Variants in UHRF2 observed in about 807,000 individuals in gnomAD.
UHRF2 encodes the protein ubiquitin like with PHD and ring finger domains 2, also known as E3 ubiquitin-protein ligase UHRF2.
In UHRF2, 23 loss-of-function variants were observed where a neutral mutation model predicts 96.8. That is an observed-to-expected ratio of 0.24 (90% CI 0.17 to 0.34). The LOEUF (loss-of-function observed/expected upper bound fraction) is 0.34. Ranked by LOEUF, UHRF2 falls within the 10% of genes least tolerant of loss-of-function variation. The pLI, the probability that UHRF2 is intolerant of heterozygous loss-of-function variation, is 1.00. For synonymous variants in UHRF2, 385 were observed against 332.6 expected (o/e 1.16, Z -1.72); for missense variants, 685 against 981.5 (o/e 0.70, Z 4.04).
At chr9:6,473,147 A>G (rs1020496690) in intron 4 of UHRF2, among the ~76,000 whole-genome samples, 6 of 152,212 alleles carry the variant, frequency 3.9e-5, no homozygotes, top group African/African-American at 1.4e-4. Flanking sequence ...CATGCAAATA[A>G]GGAGTCCCAC....
intron 2 of UHRF2, among the ~76,000 whole-genome samples, chr9:6,421,483 C>T (rs1389113163): frequency 6.6e-6 from 1 of 152,138 alleles, no homozygotes; most frequent in Non-Finnish European, 1.5e-5. Flanking sequence ...CGCACGCAAT[C>T]TTGGCTCGCT....
At chr9:6,447,414 A>G (rs1283118951) in intron 3 of UHRF2, among the ~76,000 whole-genome samples, 4 of 152,180 alleles carry the variant, frequency 2.6e-5, no homozygotes, top group African/African-American at 9.7e-5. Context: ...GCTGTTTTAT[A>G]GTATGATGGA....
intron 14 of UHRF2, among the ~76,000 whole-genome samples, chr9:6,503,818 A>G (rs1397547610): frequency 6.6e-6 from 1 of 152,018 alleles, no homozygotes; most frequent in African/African-American, 2.4e-5. Context: ...TTTATTTTTT[A>G]AGTGAAAAAT....
chr9:6,478,537 G>T (rs1274626035), intron 6 of UHRF2, among the ~76,000 whole-genome samples: 1 of 152,154 alleles, frequency 6.6e-6, no homozygotes, highest in Non-Finnish European at 1.5e-5. Flanking sequence ...CCTATGGCGT[G>T]GTGATAACTA....
At chr9:6,487,624 C>T (rs768953428) in intron 9 of UHRF2, among the ~76,000 whole-genome samples, 1 of 152,224 alleles carries the variant, frequency 6.6e-6, no homozygotes, top group Admixed American at 6.5e-5. Flanking sequence ...GCCTTGGCCT[C>T]CCAAAGTGTT....
intron 3 of UHRF2, among the ~76,000 whole-genome samples, chr9:6,453,703 G>C (rs556675102): frequency 6.6e-6 from 1 of 152,178 alleles, no homozygotes; most frequent in Non-Finnish European, 1.5e-5. Flanking sequence ...AGGAGATTGA[G>C]ACCATCCTGG....
intron 2 of UHRF2, among the ~76,000 whole-genome samples, chr9:6,428,875 A>T (rs1820415044): frequency 6.6e-6 from 1 of 151,962 alleles, no homozygotes; most frequent in South Asian, 2.1e-4. Flanking sequence ...TGATTAAAGA[A>T]AGATGGGGCC....
At chr9:6,473,884 T>A (rs1480315803) in intron 4 of UHRF2, among the ~76,000 whole-genome samples, 1 of 152,208 alleles carries the variant, frequency 6.6e-6, no homozygotes, top group African/African-American at 2.4e-5. Flanking sequence ...AAAAAACTGT[T>A]TAACCCATAC....
rs1820635183 is a variant in UHRF2 at position 6,432,887 on chromosome 9, C to CT, written c.385-1026dup. Among the ~76,000 whole-genome samples the CT allele has an allele frequency of 2.6e-5, 4 of 151,370 alleles. No homozygotes were observed. In the South Asian group the frequency reaches 8.4e-4, roughly 32 times the overall value. On this transcript the variant is annotated intron_variant, in intron 2 of 15. Transcript: ENST00000276893. ...ACAGAGTCTTGCTGTATTGCCCAAACTGGAGTGCACTGGCACGATCTCCGT... is the reference window on the plus strand; with the variant it reads ...ACAGAGTCTTGCTGTATTGCCCAAACTTGGAGTGCACTGGCACGATCTCCGT...
intron 1 of UHRF2, among the ~76,000 whole-genome samples, chr9:6,416,770 G>T (rs543089622): frequency 6.6e-6 from 1 of 151,452 alleles, no homozygotes; most frequent in South Asian, 2.1e-4. Context: ...CTCGTGATCC[G>T]CCCGCCTCGG....
intron 2 of UHRF2, among the ~76,000 whole-genome samples, chr9:6,431,154 T>G (rs1340865225): frequency 1.3e-5 from 2 of 152,230 alleles, no homozygotes; most frequent in Non-Finnish European, 2.9e-5. Context: ...CTTGCATGCA[T>G]CTTGGCCTAT....
intron 1 of UHRF2, among the ~76,000 whole-genome samples, chr9:6,417,063 C>T (rs921861252): frequency 6.6e-6 from 1 of 152,062 alleles, no homozygotes; most frequent in Non-Finnish European, 1.5e-5. Flanking sequence ...ATATATAATA[C>T]ACACATATAT....
chr9:6,499,995 G>C, intron 13 of UHRF2, 64 bp downstream of exon 13: 6 of 1,272,354 alleles, frequency 4.7e-6, no homozygotes, highest in African/African-American at 1.5e-5. Flanking sequence ...TTGTTGAGAC[G>C]GGGTCTCACT....
At chr9:6,472,825 T>C (rs1013788177) in intron 4 of UHRF2, among the ~76,000 whole-genome samples, 1 of 152,184 alleles carries the variant, frequency 6.6e-6, no homozygotes, top group African/African-American at 2.4e-5. Flanking sequence ...AATATTCTAA[T>C]TTTGGTGTCC....
At chr9:6,420,615 G>C (rs1237961624) in intron 1 of UHRF2, among the ~76,000 whole-genome samples, 1 of 151,682 alleles carries the variant, frequency 6.6e-6, no homozygotes, top group African/African-American at 2.4e-5. Flanking sequence ...GCTGAGGCAG[G>C]AGAATGGTGT....
At chr9:6,474,229 A>G (rs1358058934) in intron 4 of UHRF2, among the ~76,000 whole-genome samples, 1 of 152,150 alleles carries the variant, frequency 6.6e-6, no homozygotes, top group Non-Finnish European at 1.5e-5. Context: ...AGTTTTTTGC[A>G]TTTGTGTATA....
At chr9:6,504,738 A>T (rs766698661) in intron 15 of UHRF2, 47 bp downstream of exon 15, 2 of 1,454,038 alleles carry the variant, frequency 1.4e-6, no homozygotes, top group Non-Finnish European at 1.9e-6. Context: ...ATGAAGGCAC[A>T]CTAATTTCTA....
At chr9:6,452,525 A>G (rs34530211) in intron 3 of UHRF2, among the ~76,000 whole-genome samples, 4,782 of 152,330 alleles carry the variant, frequency 0.031, 123 homozygotes, top group Middle Eastern at 0.061. Context: ...TATGATATGG[A>G]TTGAAAGGTG....
chr9:6,439,563 C>A (rs1409272062), intron 3 of UHRF2, among the ~76,000 whole-genome samples: 2 of 152,204 alleles, frequency 1.3e-5, no homozygotes, highest in Non-Finnish European at 2.9e-5. Flanking sequence ...GGGTTCACAT[C>A]ATGTACAAAG....
Sources: allele counts gnomAD v4.1 joint callset (sites outside exome capture counted in the v4.1 genomes callset), GRCh38; gene constraint gnomAD v4.1.1; transcripts MANE v1.5; gene names NCBI Gene and HGNC (gene_info 2026-07-23, HGNC 2026-07-21).